ARID2: variants seen among roughly 807,000 people sequenced by gnomAD.
ARID2 encodes the protein AT-rich interaction domain 2, also known as AT-rich interactive domain-containing protein 2.
ARID2 carries 32 observed loss-of-function variants against 184.6 expected under a neutral mutation model. That is an observed-to-expected ratio of 0.17 (90% CI 0.13 to 0.23). The LOEUF (loss-of-function observed/expected upper bound fraction) is 0.23. ARID2 is among the 10% of genes least tolerant of loss of function. The pLI, the probability that ARID2 is intolerant of heterozygous loss-of-function variation, is 1.00. For synonymous variants in ARID2, 836 were observed against 772.6 expected (o/e 1.08, Z -1.36); for missense variants, 1,696 against 2,197.6 (o/e 0.77, Z 4.56).
chr12:45,776,954 T>C (rs1281615314), intron 3 of ARID2, among the ~76,000 whole-genome samples: 1 of 151,152 alleles, frequency 6.6e-6, no homozygotes, highest in Non-Finnish European at 1.5e-5. Context: ...AGCTAATTTA[T>C]GTGGTTTTTT....
At chr12:45,782,557 G>A (rs1352879238) in intron 3 of ARID2, among the ~76,000 whole-genome samples, 2 of 152,118 alleles carry the variant, frequency 1.3e-5, no homozygotes, top group East Asian at 1.9e-4. Flanking sequence ...ACTTGAACCC[G>A]GGAGGTGGAG....
chr12:45,791,663 G>A (rs1022383368), intron 3 of ARID2, among the ~76,000 whole-genome samples: 7 of 152,036 alleles, frequency 4.6e-5, no homozygotes, highest in Admixed American at 1.3e-4. Flanking sequence ...GCCCAATCAC[G>A]GCTCACTGCA....
In ARID2 at chr12:45,905,834, A is replaced by G. The variant is rs1944519576; in HGVS notation, c.*756A>G. On this transcript the variant is annotated 3_prime_UTR_variant, in exon 21 of 21. Transcript: ENST00000334344. ...ATTGTAAGTAATTGTGATATATTCT[A>G]TGCAGTGGATGAATGTTCTTTAAAT... 1 of 232,578 alleles carries G rather than the reference A, an allele frequency of 4.3e-6. No homozygotes were observed. Among genetic ancestry groups the G allele is most frequent in the Non-Finnish European group, 8.5e-6 (1 of 117,454 alleles). The allele number at this position is 232,578 out of a possible 1,614,324, so 14.4% of individuals were successfully genotyped here.
rs200606247 is a variant in ARID2 at position 45,892,096 on chromosome 12, A to T, written c.5147A>T (p.Lys1716Met). The change falls in exon 18 of 21, where the codon AAG (lysine) becomes ATG (methionine). Residue 1716 changes from lysine (K) to methionine (M), a missense_variant and splice_region_variant. By Grantham distance (95) the Lys-to-Met change is moderately conservative. Transcript: ENST00000334344. ...GCAGGAAGTCAGAAGTCTTCTACCA[A>T]GTAAGGAAAATGAGTTTACTTCCTG... ...GQAGSQKSST[K>M]QPTVGGTSST... 23 of 1,612,408 alleles carry T rather than the reference A, an allele frequency of 1.4e-5. No homozygotes were observed. The highest frequency in any genetic ancestry group is 1.9e-5 in the Non-Finnish European group (22 of 1,179,356).
chr12:45,852,084 C>T lies in ARID2; in HGVS notation c.3961C>T (p.Leu1321=), dbSNP rs1360985206. The part of the protein sequence containing the change: ...KIQSETNQCS[L]ISNGPSLELG... ...TCAAAGTGAGACTAATCAGTGCTCACTAATCAGTAATGGGCCATCATTGGA... is the reference window on the plus strand; with the variant it reads ...TCAAAGTGAGACTAATCAGTGCTCATTAATCAGTAATGGGCCATCATTGGA... The change falls in exon 15 of 21, where the codon CTA becomes TTA. Residue 1321 remains leucine (L), a synonymous_variant. Transcript: ENST00000334344. The T allele has an allele frequency of 6.2e-7, 1 of 1,613,968 alleles. No homozygotes were observed. The highest frequency in any genetic ancestry group is 8.5e-7 in the Non-Finnish European group (1 of 1,180,024).
chr12:45,743,327 C>T (rs1040492895), intron 3 of ARID2, among the ~76,000 whole-genome samples: 6 of 152,088 alleles, frequency 3.9e-5, no homozygotes, highest in Admixed American at 2.6e-4. Flanking sequence ...TGAGATTGCA[C>T]CACTGCCCTC....
At chr12:45,779,490 A>G (rs1365435412) in intron 3 of ARID2, among the ~76,000 whole-genome samples, 1 of 152,158 alleles carries the variant, frequency 6.6e-6, no homozygotes, top group Non-Finnish European at 1.5e-5. Context: ...CATTTAAAAA[A>G]CATACCTGGA....
chr12:45,854,007 T>A (rs1198773438), intron 15 of ARID2, among the ~76,000 whole-genome samples: 1 of 152,200 alleles, frequency 6.6e-6, no homozygotes, highest in Non-Finnish European at 1.5e-5. Flanking sequence ...TTACAGCCGC[T>A]TCCCATCACT....
At chr12:45,776,778 C>T (rs1392636552) in intron 3 of ARID2, among the ~76,000 whole-genome samples, 4 of 143,996 alleles carry the variant, frequency 2.8e-5, no homozygotes, top group South Asian at 2.2e-4. Context: ...AGTGAGATTC[C>T]GGCTTTTTTT....
chr12:45,839,597 C>A, intron 11 of ARID2, 101 bp downstream of exon 11: 1 of 1,387,790 alleles, frequency 7.2e-7, no homozygotes, highest in Non-Finnish European at 9.7e-7. Context: ...TGATATTTTA[C>A]AGTATAGTAG....
At chr12:45,747,692 C>T (rs1222248102) in intron 3 of ARID2, among the ~76,000 whole-genome samples, 1 of 152,112 alleles carries the variant, frequency 6.6e-6, no homozygotes, top group African/African-American at 2.4e-5. Flanking sequence ...TAAAGCTTAA[C>T]ATTTTTTTGT....
At chr12:45,809,136 A>G (rs1282592136) in intron 3 of ARID2, among the ~76,000 whole-genome samples, 1 of 152,226 alleles carries the variant, frequency 6.6e-6, no homozygotes, top group Non-Finnish European at 1.5e-5. Flanking sequence ...TAAACCTGTT[A>G]TTTAATGGTC....
At chr12:45,834,861 ATCTT>A (rs773198377) in intron 6 of ARID2, among the ~76,000 whole-genome samples, 1 of 151,592 alleles carries the variant, frequency 6.6e-6, no homozygotes, top group Middle Eastern at 3.2e-3. Context: ...TTCTTTTTTT[ATCTT>A]TCTTGGAGTT....
rs751978664 is a variant in ARID2 at position 45,852,551 on chromosome 12, T to C, written c.4428T>C (p.Ser1476=). The part of the protein sequence containing the change: ...SVVVSPHSTT[S]VIQGHQIIAV... ...TTGTCTCACCACATTCTACAACCTC[T>C]GTTATACAGGGACATCAAATCATAG... The change falls in exon 15 of 21, where the codon TCT becomes TCC. Residue 1476 remains serine, a synonymous_variant. Transcript: ENST00000334344. 6.2e-7 allele frequency: 1 copy of C among 1,614,162 alleles called. No individual in the cohort carries two copies.
intron 15 of ARID2, among the ~76,000 whole-genome samples, chr12:45,857,243 A>G (rs1445152418): frequency 6.6e-6 from 1 of 152,236 alleles, no homozygotes; most frequent in Non-Finnish European, 1.5e-5. Context: ...TAATAATGGT[A>G]CTGTGTAACA....
intron 3 of ARID2, among the ~76,000 whole-genome samples, chr12:45,802,510 G>A (rs1227179659): frequency 6.6e-6 from 1 of 152,026 alleles, no homozygotes; most frequent in Non-Finnish European, 1.5e-5. Context: ...TCTATTTATT[G>A]TTAGAATTTC....
intron 3 of ARID2, among the ~76,000 whole-genome samples, chr12:45,779,785 C>A (rs1412558278): frequency 6.6e-6 from 1 of 151,802 alleles, no homozygotes; most frequent in Non-Finnish European, 1.5e-5. Flanking sequence ...GCTTTAAAAG[C>A]AAGAGAAAAT....
chr12:45,902,701 G>A (rs747801811), intron 20 of ARID2, among the ~76,000 whole-genome samples: 113 of 151,610 alleles, frequency 7.5e-4, no homozygotes, highest in Non-Finnish European at 1.4e-3. Context: ...CTGCCACCAC[G>A]CCCAGCTAAT....
chr12:45,835,895 C>T (rs1943212190), intron 6 of ARID2, among the ~76,000 whole-genome samples: 1 of 150,046 alleles, frequency 6.7e-6, no homozygotes, highest in South Asian at 2.2e-4. Flanking sequence ...AGCGAAACTC[C>T]ATCTCAAAAA....
Sources: gnomAD v4.1 joint callset for allele counts (sites outside exome capture counted in the v4.1 genomes callset) on GRCh38, gnomAD v4.1.1 for gene constraint, MANE v1.5 for transcripts, NCBI Gene and HGNC (gene_info 2026-07-23, HGNC 2026-07-21) for gene names.